PHF24: variants seen among roughly 807,000 people sequenced by gnomAD.
PHF24 encodes PHD finger protein 24.
A neutral mutation model predicts 42.6 loss-of-function variants in PHF24; 25 were observed. That is an observed-to-expected ratio of 0.59 (90% CI 0.43 to 0.82). The LOEUF is 0.82. PHF24 is among the 40% of genes least tolerant of loss of function. The pLI is 0.00. For synonymous variants in PHF24, 185 were observed against 204.8 expected (o/e 0.90, Z 0.83); for missense variants, 470 against 538.1 (o/e 0.87, Z 1.25).
the PHF24 span, among the ~76,000 whole-genome samples, chr9:34,823,100 G>A: frequency 6.7e-6 from 1 of 150,104 alleles, no homozygotes; most frequent in Non-Finnish European, 1.5e-5. Context: ...GGAGGCTGAG[G>A]CAGGAGAATG....
the PHF24 span, among the ~76,000 whole-genome samples, chr9:34,839,652 G>A: frequency 6.6e-6 from 1 of 152,082 alleles, no homozygotes. Flanking sequence ...TACCTCACTG[G>A]CATGGTAAGT....
the PHF24 span, among the ~76,000 whole-genome samples, chr9:34,891,685 A>AGGAGAAT: frequency 4.0e-4 from 61 of 152,234 alleles, no homozygotes; most frequent in Non-Finnish European, 2.4e-4. Context: ...GGCATGGTCT[A>AGGAGAAT]GGAGAATGCT....
chr9:34,802,345 C>T, the PHF24 span, among the ~76,000 whole-genome samples: 2 of 152,158 alleles, frequency 1.3e-5, no homozygotes, highest in Non-Finnish European at 2.9e-5. Flanking sequence ...CCACAGTGGT[C>T]GTTCCAGTAA....
the PHF24 span, chr9:34,724,438 G>A: frequency 6.4e-6 from 10 of 1,551,242 alleles, no homozygotes; most frequent in African/African-American, 1.2e-4. Context: ...CCCCTTGGTG[G>A]TTTAGACTTT....
the PHF24 span, among the ~76,000 whole-genome samples, chr9:34,829,055 G>A: frequency 6.6e-6 from 1 of 152,126 alleles, no homozygotes; most frequent in Non-Finnish European, 1.5e-5. Flanking sequence ...GGGACGTTAT[G>A]ATGCTACTGC....
intron 1 of PHF24, among the ~76,000 whole-genome samples, chr9:34,959,422 C>T (rs1348454346): frequency 6.6e-6 from 1 of 152,076 alleles, no homozygotes; most frequent in Non-Finnish European, 1.5e-5. Flanking sequence ...AGCAATTTGC[C>T]CAAGGTCACA....
chr9:34,709,836 C>G, the PHF24 span: 1 of 1,614,224 alleles, frequency 6.2e-7, no homozygotes, highest in East Asian at 2.2e-5. Flanking sequence ...TGCGGACAAC[C>G]TTGGCGGGAA....
chr9:34,769,519 C>G, the PHF24 span, among the ~76,000 whole-genome samples: 2 of 152,110 alleles, frequency 1.3e-5, no homozygotes, highest in Non-Finnish European at 2.9e-5. Flanking sequence ...GTGATCCCAA[C>G]AAAAATGCCA....
chr9:34,850,354 A>C, the PHF24 span, among the ~76,000 whole-genome samples: 1 of 151,894 alleles, frequency 6.6e-6, no homozygotes. Context: ...CATTCATTTC[A>C]TCTTCCATCA....
chr9:34,922,516 C>T, the PHF24 span: 1 of 1,103,298 alleles, frequency 9.1e-7, no homozygotes, highest in Non-Finnish European at 1.4e-6. Context: ...TTCTTATCAT[C>T]ACCAGCGGCA....
At chr9:34,906,429 A>G in the PHF24 span, among the ~76,000 whole-genome samples, 2 of 152,140 alleles carry the variant, frequency 1.3e-5, no homozygotes, top group African/African-American at 4.8e-5. Flanking sequence ...TTAAAGGTGT[A>G]AAGTTTTGTC....
chr9:34,705,837 G>C, the PHF24 span, among the ~76,000 whole-genome samples: 29 of 152,130 alleles, frequency 1.9e-4, no homozygotes, highest in Non-Finnish European at 4.0e-4. Context: ...GCTGAGGCGG[G>C]TGGAGCGCTT....
the PHF24 span, among the ~76,000 whole-genome samples, chr9:34,810,854 C>T: frequency 2.6e-5 from 4 of 152,034 alleles, no homozygotes; most frequent in Non-Finnish European, 5.9e-5. Context: ...GAAACTGCTG[C>T]GAGAGCACAG....
chr9:34,806,211 A>G, the PHF24 span, among the ~76,000 whole-genome samples: 4 of 151,912 alleles, frequency 2.6e-5, no homozygotes, highest in Non-Finnish European at 5.9e-5. Context: ...GTCTCTTGCA[A>G]TTCTATATGA....
the PHF24 span, among the ~76,000 whole-genome samples, chr9:34,850,496 C>G: frequency 1.3e-5 from 2 of 152,178 alleles, no homozygotes; most frequent in African/African-American, 4.8e-5. Context: ...TCTAGTTATA[C>G]ATTTGTCTAA....
chr9:34,916,773 G>A, the PHF24 span, among the ~76,000 whole-genome samples: 1 of 152,104 alleles, frequency 6.6e-6, no homozygotes, highest in African/African-American at 2.4e-5. Context: ...TTTTGGAGAA[G>A]GTAGAAATGT....
the PHF24 span, among the ~76,000 whole-genome samples, chr9:34,878,644 C>T: frequency 6.6e-6 from 1 of 152,208 alleles, no homozygotes; most frequent in Non-Finnish European, 1.5e-5. Flanking sequence ...GATTGAACTG[C>T]AAGGCAGCAG....
the PHF24 span, among the ~76,000 whole-genome samples, chr9:34,904,402 A>G: frequency 2.6e-5 from 4 of 152,086 alleles, no homozygotes; most frequent in Admixed American, 6.6e-5. Context: ...TGTCCCTTGT[A>G]TGCCAATTTC....
the PHF24 span, among the ~76,000 whole-genome samples, chr9:34,764,656 G>T: frequency 2.6e-5 from 4 of 151,996 alleles, no homozygotes; most frequent in African/African-American, 9.7e-5. Flanking sequence ...CCAGCTCCTG[G>T]ATTCATTAAT....
Sources: gnomAD v4.1 joint callset for allele counts (sites outside exome capture counted in the v4.1 genomes callset) on GRCh38, gnomAD v4.1.1 for gene constraint, MANE v1.5 for transcripts, NCBI Gene and HGNC (gene_info 2026-07-23, HGNC 2026-07-21) for gene names.